NEMP1: variants seen among roughly 807,000 people sequenced by gnomAD.
The protein encoded by NEMP1 is nuclear envelope integral membrane protein 1, also known as transmembrane protein 194.
In NEMP1, 29 loss-of-function variants were observed where a neutral mutation model predicts 53.7. The ratio of observed to expected loss-of-function variants is 0.54; its 90% CI spans 0.40 to 0.74. NEMP1 has a LOEUF of 0.74. Ranked by LOEUF, NEMP1 falls within the 30% of genes least tolerant of loss-of-function variation. The pLI, the probability that NEMP1 is intolerant of heterozygous loss-of-function variation, is 0.00. For missense variants in NEMP1, 477 were observed against 528.6 expected, an observed-to-expected ratio of 0.90 and a Z score of 0.96; for synonymous variants, 193 against 192.9, an observed-to-expected ratio of 1.00 and a Z score of 0.00.
intron 1 of NEMP1, among the ~76,000 whole-genome samples, chr12:57,084,280 A>T (rs1449420808): frequency 6.6e-6 from 1 of 152,074 alleles, no homozygotes; most frequent in Non-Finnish European, 1.5e-5. Flanking sequence ...GGTTTTCATA[A>T]TTTTTTTAAA....
intron 4 of NEMP1, among the ~76,000 whole-genome samples, chr12:57,067,475 A>C (rs536828324): frequency 2.6e-5 from 4 of 152,224 alleles, no homozygotes; most frequent in Non-Finnish European, 5.9e-5. Flanking sequence ...TATAATTACT[A>C]AAATGTGACA....
chr12:57,074,804 C>T (rs527287231), intron 1 of NEMP1, among the ~76,000 whole-genome samples: 60 of 152,288 alleles, frequency 3.9e-4, no homozygotes, highest in Admixed American at 7.2e-4. Context: ...TGACCACTGT[C>T]CAGCCGGGCA....
chr12:57,082,194 C>T (rs930741960), upstream of NEMP1, among the ~76,000 whole-genome samples: 1 of 151,982 alleles, frequency 6.6e-6, no homozygotes. Context: ...CACTCCAGCC[C>T]GGTGACAGAG....
intron 4 of NEMP1, among the ~76,000 whole-genome samples, chr12:57,068,885 C>G (rs1292197117): frequency 1.3e-5 from 2 of 151,986 alleles, no homozygotes; most frequent in Non-Finnish European, 2.9e-5. Context: ...TTCTTTACGT[C>G]TGAACAAAAT....
chr12:57,080,406 C>G (rs1436021261), upstream of NEMP1, among the ~76,000 whole-genome samples: 1 of 151,772 alleles, frequency 6.6e-6, no homozygotes, highest in African/African-American at 2.4e-5. Context: ...TGGCAAAACC[C>G]CGTCTCTACT....
upstream of NEMP1, among the ~76,000 whole-genome samples, chr12:57,080,286 A>C (rs536819463): frequency 3.3e-4 from 51 of 152,302 alleles, no homozygotes; most frequent in Admixed American, 7.8e-4. Flanking sequence ...ACCTTTTTAA[A>C]AGTCAAAATG....
chr12:57,077,999 T>C (rs2032713684), intron 1 of NEMP1, among the ~76,000 whole-genome samples: 1 of 152,098 alleles, frequency 6.6e-6, no homozygotes, highest in Admixed American at 6.6e-5. Context: ...GGAGAATTGC[T>C]TGAACCCAGG....
intron 2 of NEMP1, among the ~76,000 whole-genome samples, chr12:57,071,590 G>T (rs1204056695): frequency 6.6e-6 from 1 of 152,100 alleles, no homozygotes; most frequent in Admixed American, 6.5e-5. Flanking sequence ...TATTGGCCAG[G>T]CTGGTCTCGA....
intron 1 of NEMP1, among the ~76,000 whole-genome samples, chr12:57,073,409 G>A (rs886673086): frequency 9.9e-5 from 15 of 152,078 alleles, no homozygotes; most frequent in African/African-American, 3.6e-4. Flanking sequence ...GGAGGCTGAG[G>A]TGGGCGGATG....
chr12:57,067,311 G>A (rs982692074), intron 4 of NEMP1, among the ~76,000 whole-genome samples: 3 of 150,566 alleles, frequency 2.0e-5, no homozygotes, highest in South Asian at 2.1e-4. Flanking sequence ...GCGACAGAGC[G>A]AGACTCTGTC....
At chr12:57,065,059 G>A (rs1019538982) in intron 4 of NEMP1, among the ~76,000 whole-genome samples, 1 of 152,184 alleles carries the variant, frequency 6.6e-6, no homozygotes, top group Non-Finnish European at 1.5e-5. Flanking sequence ...GCTAAAACCT[G>A]CTAAAGATCA....
chr12:57,068,397 G>C (rs1013804489), intron 4 of NEMP1, among the ~76,000 whole-genome samples: 28 of 150,666 alleles, frequency 1.9e-4, no homozygotes, highest in African/African-American at 6.6e-4. Context: ...TGTGGCCCAG[G>C]TTGAAGTACA....
intron 2 of NEMP1, among the ~76,000 whole-genome samples, chr12:57,071,699 G>T (rs1389310082): frequency 6.6e-6 from 1 of 151,890 alleles, no homozygotes; most frequent in East Asian, 1.9e-4. Context: ...TTTTTTTAAA[G>T]AATTTTTTTT....
At position 57,063,146 on chromosome 12, in the gene NEMP1, G is replaced by C. The variant is rs1396039500; in HGVS notation, c.953C>G (p.Pro318Arg). Residue 318 changes from proline (P) to arginine (R), a missense_variant, in exon 7 of 9, where the codon CCT becomes CGT. Physicochemically the swap from Pro to Arg is moderately radical, Grantham distance 103. Transcript: ENST00000300128. ...IALCTKNLEH[P>R]IQWLYITCRK... ...GCAGGTGATGTACAGCCACTGAATA[G>C]GGTGTTCCAGGTTCTTAGTACAAAG... 6.2e-7 allele frequency: 1 copy of C among 1,613,960 alleles called. No individual in the cohort carries two copies. Among genetic ancestry groups the C allele is most frequent in the South Asian group, 1.1e-5 (1 of 91,070 alleles).
intron 4 of NEMP1, among the ~76,000 whole-genome samples, chr12:57,067,262 T>C (rs545580824): frequency 1.3e-5 from 2 of 151,066 alleles, no homozygotes; most frequent in East Asian, 3.9e-4. Flanking sequence ...AGGTGGAGCT[T>C]GCAGTGAGCC....
intron 8 of NEMP1, 53 bp from the exon 9 acceptor site, chr12:57,060,112 C>A: frequency 6.5e-7 from 1 of 1,548,588 alleles, no homozygotes; most frequent in South Asian, 1.1e-5. Flanking sequence ...CCTTTCTGGT[C>A]TTCTTTCAAA....
rs2031913650 is a variant in NEMP1, at chr12:57,063,340, A to G, written c.759T>C (p.Tyr253=). 2 of 1,613,562 alleles carry G rather than the reference A, an allele frequency of 1.2e-6. No individual in the cohort carries two copies. The highest frequency in any genetic ancestry group is 1.7e-6 in the Non-Finnish European group (2 of 1,179,528). Residue 253 remains tyrosine, a synonymous_variant, in exon 7 of 9, where the codon TAT becomes TAC. Coordinates refer to ENST00000300128, the MANE Select transcript of NEMP1 (RefSeq NM_001130963.2). Reference sequence around the variant, plus strand: ...AACTCATGAATCCAACTGTGAGGACATAACCTATGAGAAGAGTTATCAGAA... The same window carrying G: ...AACTCATGAATCCAACTGTGAGGACGTAACCTATGAGAAGAGTTATCAGAA... ...WRCYWQYLLS[Y]VLTVGFMSFA...
At chr12:57,076,679 C>T (rs912557725) in intron 1 of NEMP1, among the ~76,000 whole-genome samples, 3 of 152,058 alleles carry the variant, frequency 2.0e-5, no homozygotes, top group Admixed American at 6.6e-5. Context: ...TGGTGGCATG[C>T]GCCTATAATC....
rs1229648090 is a variant in NEMP1, at chr12:57,057,105, T to C, written c.*2774A>G. The C allele has an allele frequency of 6.6e-6, 1 of 152,226 alleles. No homozygotes were observed. The highest frequency in any genetic ancestry group is 2.4e-5 in the African/African-American group (1 of 41,456). The allele number at this position is 152,226 out of a possible 1,614,324, so 9.4% of individuals were successfully genotyped here. A position where few individuals can be genotyped will look rare whatever the true frequency, so the allele number is the denominator to read the frequency against. ...GGAAAGGAAAGTGAAAGAAATGTTT[T>C]ATGCCAGCTGCCTCTTGTATTCCCA... On this transcript the variant is annotated 3_prime_UTR_variant, in exon 9 of 9. Transcript: ENST00000300128.
Sources: gnomAD v4.1 joint callset for allele counts (sites outside exome capture counted in the v4.1 genomes callset) on GRCh38, gnomAD v4.1.1 for gene constraint, MANE v1.5 for transcripts, NCBI Gene and HGNC (gene_info 2026-07-23, HGNC 2026-07-21) for gene names.